Variants in COX10 observed in about 807,000 individuals in gnomAD.
COX10 encodes the protein cytochrome c oxidase assembly factor heme A:farnesyltransferase COX10.
In COX10, 27 loss-of-function variants were observed where a neutral mutation model predicts 37.3. The ratio of observed to expected loss-of-function variants is 0.72; its 90% CI spans 0.53 to 1.00. The LOEUF is 1.00. COX10 is among the 50% of genes least tolerant of loss of function. The pLI, the probability that COX10 is intolerant of heterozygous loss-of-function variation, is 0.00. For missense variants in COX10, 475 were observed against 563.2 expected (o/e 0.84, Z 1.59); for synonymous variants, 222 against 229.1 (o/e 0.97, Z 0.28).
At chr17:14,143,848 T>G (rs1170103463) in intron 4 of COX10, among the ~76,000 whole-genome samples, 1 of 152,130 alleles carries the variant, frequency 6.6e-6, no homozygotes, top group Non-Finnish European at 1.5e-5. Context: ...TCCCTTTCTC[T>G]CTGTTGTATA....
chr17:14,075,143 A>G (rs563522423), intron 2 of COX10, among the ~76,000 whole-genome samples: 2 of 152,316 alleles, frequency 1.3e-5, no homozygotes, highest in Non-Finnish European at 2.9e-5. Flanking sequence ...CATTTCTCTC[A>G]TCTTTAACTT....
chr17:14,089,941 CA>C (rs1163860768), intron 3 of COX10, among the ~76,000 whole-genome samples: 2 of 152,116 alleles, frequency 1.3e-5, no homozygotes, highest in Non-Finnish European at 2.9e-5. Context: ...TCCCATTACT[CA>C]CAAGAATATG....
intron 4 of COX10, among the ~76,000 whole-genome samples, chr17:14,104,849 C>T (rs1915857327): frequency 6.6e-6 from 1 of 152,038 alleles, no homozygotes; most frequent in African/African-American, 2.4e-5. Context: ...TAAGAAACCA[C>T]TAACATTAAA....
At chr17:14,083,667 A>G (rs74437494) in intron 3 of COX10, among the ~76,000 whole-genome samples, 1,677 of 152,332 alleles carry the variant, frequency 0.011, 10 homozygotes, top group African/African-American at 0.019. Context: ...TGCTGGTGCT[A>G]ATGCCATTTA....
At chr17:14,169,972 T>C (rs1905411364) in intron 5 of COX10, among the ~76,000 whole-genome samples, 1 of 152,166 alleles carries the variant, frequency 6.6e-6, no homozygotes, top group Non-Finnish European at 1.5e-5. Context: ...GGGAATGGGT[T>C]AGTCTCTGAG....
intron 5 of COX10, among the ~76,000 whole-genome samples, chr17:14,164,053 G>T (rs1461179555): frequency 6.6e-6 from 1 of 152,156 alleles, no homozygotes; most frequent in African/African-American, 2.4e-5. Context: ...CATTGTGCGT[G>T]TATGTAAAAA....
chr17:14,138,891 C>T lies in COX10; in HGVS notation c.625-20986C>T, dbSNP rs113175778. ...GGGGTATTCGGTAGTGATGAAGCAA[C>T]GGAGTGCTGTGTGGTGTATTCAGTA... On this transcript the variant is annotated intron_variant, in intron 4 of 6. Transcript: ENST00000261643. Among the ~76,000 whole-genome samples the T allele has an allele frequency of 1.9e-3, 291 of 152,136 alleles. 2 individuals carry two copies. Among genetic ancestry groups the T allele is most frequent in the African/African-American group, 6.5e-3 (271 of 41,516 alleles).
Position 14,102,286 on chromosome 17 carries a change from T to C in COX10, c.624+44T>C. 1.9e-6 allele frequency: 3 copies of C among 1,612,024 alleles called. No individual in the cohort carries two copies. The South Asian group carries it at 3.3e-5, about 18-fold the overall frequency. ...TCTAAATTATGTTATTGTCACTTTT[T>C]CCTAGATGGCTGTATTGTCATATTT... On this transcript the variant is annotated intron_variant, in intron 4 of 6. Coordinates refer to ENST00000261643, the MANE Select transcript of COX10 (RefSeq NM_001303.4).
intron 5 of COX10, among the ~76,000 whole-genome samples, chr17:14,183,956 T>TAATG (rs749155935): frequency 1.3e-4 from 17 of 133,748 alleles, no homozygotes; most frequent in South Asian, 5.0e-4. Context: ...TGAGAAATTT[T>TAATG]AATGAATGAA....
intron 4 of COX10, among the ~76,000 whole-genome samples, chr17:14,155,774 G>T (rs1454478377): frequency 6.6e-6 from 1 of 151,972 alleles, no homozygotes; most frequent in African/African-American, 2.4e-5. Context: ...GAAGGCTAGG[G>T]TCTGCACTTT....
chr17:14,069,739 G>T (rs1259298659), intron 1 of COX10, 91 bp downstream of exon 1: 1 of 1,548,756 alleles, frequency 6.5e-7, no homozygotes, highest in Non-Finnish European at 8.9e-7. Flanking sequence ...GCAACCTTGG[G>T]GAGCCCTTGG....
chr17:14,201,479 G>C (rs1906540474), intron 6 of COX10, among the ~76,000 whole-genome samples: 1 of 152,120 alleles, frequency 6.6e-6, no homozygotes, highest in Admixed American at 6.6e-5. Flanking sequence ...TCAGGAAAAT[G>C]ATTTCTTTAA....
At chr17:14,094,815 CTTA>C (rs1282570411) in intron 3 of COX10, among the ~76,000 whole-genome samples, 1 of 152,136 alleles carries the variant, frequency 6.6e-6, no homozygotes, top group East Asian at 1.9e-4. Flanking sequence ...TTATTAAGCC[CTTA>C]TTATTTACCA....
intron 5 of COX10, among the ~76,000 whole-genome samples, chr17:14,179,498 C>G (rs1905791198): frequency 6.6e-6 from 1 of 152,128 alleles, no homozygotes; most frequent in South Asian, 2.1e-4. Flanking sequence ...GGTGAAAAAC[C>G]TAGCCACATG....
At chr17:14,099,264 C>G (rs988932412) in intron 3 of COX10, among the ~76,000 whole-genome samples, 4 of 152,052 alleles carry the variant, frequency 2.6e-5, no homozygotes, top group African/African-American at 9.7e-5. Context: ...TACTTGTGCT[C>G]TAGGTACTTT....
At chr17:14,200,180 C>G (rs567115741) in intron 6 of COX10, among the ~76,000 whole-genome samples, 2 of 152,278 alleles carry the variant, frequency 1.3e-5, no homozygotes, top group Non-Finnish European at 2.9e-5. Context: ...AATTTCCTGA[C>G]AGAGTCAGAG....
At chr17:14,105,410 A>G (rs901997908) in intron 4 of COX10, among the ~76,000 whole-genome samples, 4 of 152,182 alleles carry the variant, frequency 2.6e-5, no homozygotes, top group African/African-American at 9.6e-5. Flanking sequence ...CTGCCAGTTA[A>G]AGCACACATG....
At chr17:14,194,729 A>G (rs933853340) in intron 6 of COX10, among the ~76,000 whole-genome samples, 1 of 152,190 alleles carries the variant, frequency 6.6e-6, no homozygotes. Flanking sequence ...CTGGCCTAAA[A>G]TAAATTTTTT....
chr17:14,164,017 A>T (rs1307078083), intron 5 of COX10, among the ~76,000 whole-genome samples: 1 of 152,252 alleles, frequency 6.6e-6, no homozygotes, highest in African/African-American at 2.4e-5. Flanking sequence ...AAAGTGCATT[A>T]TCACAAATTT....
Sources: allele counts gnomAD v4.1 joint callset (sites outside exome capture counted in the v4.1 genomes callset), GRCh38; gene constraint gnomAD v4.1.1; transcripts MANE v1.5; gene names NCBI Gene and HGNC (gene_info 2026-07-23, HGNC 2026-07-21).